The following PRRC2A variants were observed in gnomAD, a reference collection of about 807,000 sequenced individuals.
PRRC2A encodes protein PRRC2A.
Under a neutral mutation model 224.6 loss-of-function variants are expected in PRRC2A, and 59 were observed. The ratio of observed to expected loss-of-function variants is 0.26; its 90% CI spans 0.21 to 0.33. The LOEUF (loss-of-function observed/expected upper bound fraction) is 0.33. PRRC2A is among the 10% of genes least tolerant of loss of function. The probability of loss-of-function intolerance (pLI) is 1.00; values close to 1 mark genes in which losing one functional copy is unlikely to be tolerated. For synonymous variants in PRRC2A, 1,194 were observed against 1,109.5 expected (o/e 1.08, Z -1.51); for missense variants, 3,095 against 2,880.7 (o/e 1.07, Z -1.70).
intron 30 of PRRC2A, 24 bp from the exon 31 acceptor site, chr6:31,637,420 CTG>C (rs757634800): frequency 6.2e-7 from 1 of 1,600,480 alleles, no homozygotes; most frequent in Non-Finnish European, 8.5e-7. Flanking sequence ...CTGTGACTCA[CTG>C]TTTAACACAT....
In PRRC2A at chr6:31,636,832, G is replaced by A. The variant is rs1777408606; in HGVS notation, c.6034G>A (p.Val2012Met). 1 of 1,612,070 alleles carries A rather than the reference G, an allele frequency of 6.2e-7. No individual in the cohort carries two copies. Among genetic ancestry groups the A allele is most frequent in the Non-Finnish European group, 8.5e-7 (1 of 1,179,986 alleles). Residue 2012 changes from valine (V) to methionine (M), a missense_variant, in exon 28 of 31, where the codon GTG becomes ATG. Around this residue, in one of 8 missense-constraint regions of PRRC2A, gnomAD observed 662 missense variants for 609.5 expected, o/e 1.09. Coordinates refer to ENST00000376033, the MANE Select transcript of PRRC2A (RefSeq NM_004638.4). The surrounding 1 kb of genome is among the most constrained non-coding windows in gnomAD (Gnocchi z 4.3). ...CCCACCTCCCCTTTCTCTGTTACCTGTGGGCCCTGCTCTGCAGCCCCCCAG... is the reference window on the plus strand; with the variant it reads ...CCCACCTCCCCTTTCTCTGTTACCTATGGGCCCTGCTCTGCAGCCCCCCAG... Reference protein sequence around the residue: ...PAPPPLSLLPVGPALQPPSLA... With the variant: ...PAPPPLSLLPMGPALQPPSLA...
At chr6:31,633,276 T>TA in intron 16 of PRRC2A, 103 bp from the exon 17 acceptor site, 1 of 1,492,326 alleles carries the variant, frequency 6.7e-7, no homozygotes, top group Non-Finnish European at 9.1e-7. Context: ...ACCTGGACTT[T>TA]AATAGGGAAG....
At position 31,627,326 on chromosome 6, in the gene PRRC2A, A is replaced by AG; in HGVS notation, c.1290+129dup. On this transcript the variant is annotated intron_variant, in intron 11 of 30. Transcript: ENST00000376033. The surrounding 1 kb of genome is among the most constrained non-coding windows in gnomAD (Gnocchi z 5.6). ...TGGGCTGTGTGAAGTGCCAGGCTGC[A>AG]GAACATCCTGGGAAGCTTTTAAATA... The AG allele has an allele frequency of 1.5e-6, 1 of 687,410 alleles. No homozygotes were observed. The highest frequency in any genetic ancestry group is 2.4e-6 in the Non-Finnish European group (1 of 408,416). 42.6% of individuals were successfully genotyped at this position (687,410 alleles called of 1,614,324 possible). A position where few individuals can be genotyped will look rare whatever the true frequency, so the allele number is the denominator to read the frequency against.
At chr6:31,622,468 C>T (rs1775400965) in intron 1 of PRRC2A, among the ~76,000 whole-genome samples, 1 of 152,094 alleles carries the variant, frequency 6.6e-6, no homozygotes, top group Non-Finnish European at 1.5e-5. Context: ...AGTGTTTATA[C>T]TAGGAGGATG....
chr6:31,624,668 G>C, intron 5 of PRRC2A, 146 bp downstream of exon 5: 2 of 909,846 alleles, frequency 2.2e-6, no homozygotes, highest in East Asian at 5.3e-5. Flanking sequence ...ACATGAGCAA[G>C]TTTAAGTCTC....
rs11538262 is a variant in PRRC2A at position 31,630,746 on chromosome 6, C to T, written c.2410C>T (p.Arg804Cys). 16,710 of 1,614,156 alleles carry T rather than the reference C, an allele frequency of 0.01. 122 individuals carry two copies. Among genetic ancestry groups the T allele is most frequent in the Non-Finnish European group, 0.012 (14,088 of 1,180,044 alleles). Residue 804 changes from arginine (R) to cysteine (C), a missense_variant, in exon 15 of 31, where the codon CGC (arginine) becomes TGC (cysteine). Transcript: ENST00000376033. ...DVFTATPAEP[R>C]PLTSPLRQAA... ...CTTCACCGCCACACCCGCTGAACCCCGCCCACTTACCTCACCTCTGCGCCA... is the reference window on the plus strand; with the variant it reads ...CTTCACCGCCACACCCGCTGAACCCTGCCCACTTACCTCACCTCTGCGCCA...
chr6:31,635,092 T>G (rs772755252), intron 21 of PRRC2A, 40 bp from the exon 22 acceptor site: 1 of 1,604,114 alleles, frequency 6.2e-7, no homozygotes, highest in South Asian at 1.1e-5. Context: ...TGGATTTCCC[T>G]TTCCCTCCCC....
At position 31,634,230 on chromosome 6, in the gene PRRC2A, C is replaced by T; in HGVS notation, c.4720-6C>T. On this transcript the variant is annotated splice_polypyrimidine_tract_variant and splice_region_variant and intron_variant, in intron 18 of 30. Coordinates refer to ENST00000376033, the MANE Select transcript of PRRC2A (RefSeq NM_004638.4). ...ATGTTTTGCTTCTGGCCCTTCTCATCTGTAGGAATCTTTGCCACCTCCTCA... is the reference window on the plus strand; with the variant it reads ...ATGTTTTGCTTCTGGCCCTTCTCATTTGTAGGAATCTTTGCCACCTCCTCA... The T allele has an allele frequency of 1.3e-6, 2 of 1,581,794 alleles. No individual in the cohort carries two copies. The highest frequency in any genetic ancestry group is 1.7e-6 in the Non-Finnish European group (2 of 1,170,180).
In PRRC2A at chr6:31,631,309, C is replaced by T. The variant is rs753934091; in HGVS notation, c.2636C>T (p.Pro879Leu). The part of the protein sequence containing the change: ...GSDEVAKIQT[P>L]PPKKEPPKEE... ...GATGAAGTGGCCAAGATACAAACTCCACCACCCAAGAAGGAGCCCCCTAAG... is the reference window on the plus strand; with the variant it reads ...GATGAAGTGGCCAAGATACAAACTCTACCACCCAAGAAGGAGCCCCCTAAG... The change falls in exon 16 of 31, where the codon CCA becomes CTA. Residue 879 changes from proline to leucine, a missense_variant. Pro to Leu is a moderately conservative substitution (Grantham distance 98). This residue lies in a region of PRRC2A where 2,001 missense variants were observed against 1,764.9 expected (regional missense o/e 1.13). Transcript: ENST00000376033. This position sits in a 1 kb window ranked among gnomAD's most constrained non-coding sequence, Gnocchi z 4.5. 4 of 1,609,612 alleles carry T rather than the reference C, an allele frequency of 2.5e-6. No individual in the cohort carries two copies. The highest frequency in any genetic ancestry group is 2.2e-5 in the South Asian group (2 of 90,708).
At position 31,634,468 on chromosome 6, in the gene PRRC2A, C is replaced by T. The variant is rs772938081; in HGVS notation, c.4850-4C>T. Reference sequence around the variant, plus strand: ...TCTCTTCTGGTTGGTGCTCCCTTCTCCAGCCACTAGCCGAAAGAGTTACCG... The same window carrying T: ...TCTCTTCTGGTTGGTGCTCCCTTCTTCAGCCACTAGCCGAAAGAGTTACCG... On this transcript the variant is annotated splice_region_variant and splice_polypyrimidine_tract_variant and intron_variant, in intron 19 of 30. Transcript: ENST00000376033. The T allele has an allele frequency of 6.2e-7, 1 of 1,612,932 alleles. No individual in the cohort carries two copies. Among genetic ancestry groups the T allele is most frequent in the Non-Finnish European group, 8.5e-7 (1 of 1,179,938 alleles).
intron 5 of PRRC2A, chr6:31,624,907 T>A: frequency 1.9e-6 from 1 of 531,760 alleles, no homozygotes; most frequent in Non-Finnish European, 3.3e-6. Context: ...CAAGCGATTT[T>A]CCTGCCTCAG....
At position 31,629,624 on chromosome 6, in the gene PRRC2A, C is replaced by T; in HGVS notation, c.2033C>T (p.Pro678Leu). 2 of 1,612,774 alleles carry T rather than the reference C, an allele frequency of 1.2e-6. No individual in the cohort carries two copies. Among genetic ancestry groups the T allele is most frequent in the Non-Finnish European group, 1.7e-6 (2 of 1,179,708 alleles). ...QQGSAPPTPV[P>L]PSPPQPVTLG... ...GGCTCTGCCCCTCCTACCCCAGTGC[C>T]CCCATCACCACCACAGCCTGTGACC... is the stretch of plus-strand genomic sequence containing the variant. The change falls in exon 14 of 31, where the codon CCC becomes CTC. Residue 678 changes from proline (P) to leucine (L), a missense_variant. Pro to Leu is a moderately conservative substitution (Grantham distance 98). Transcript: ENST00000376033.
At chr6:31,629,357 C>G in intron 13 of PRRC2A, 23 bp downstream of exon 13, 1 of 1,537,854 alleles carries the variant, frequency 6.5e-7, no homozygotes, top group East Asian at 2.3e-5. Context: ...TGTTTACCCT[C>G]TAAGGGCTGC....
In PRRC2A at chr6:31,632,790, C is replaced by T. The variant is rs773245902; in HGVS notation, c.4117C>T (p.Leu1373=). 6.2e-7 allele frequency: 1 copy of T among 1,613,116 alleles called. No homozygotes were observed. The highest frequency in any genetic ancestry group is 8.5e-7 in the Non-Finnish European group (1 of 1,180,010). ...PGISAMSRGD[L]SQRAKDLSKR... The stretch of plus-strand genomic sequence containing the variant: ...TATTTCAGCCATGTCCCGCGGAGAT[C>T]TGAGCCAGAGAGCCAAGGATTTGAG... Residue 1373 remains leucine (L), a synonymous_variant, in exon 16 of 31, where the codon CTG becomes TTG. Transcript: ENST00000376033.
intron 14 of PRRC2A, 103 bp from the exon 15 acceptor site, chr6:31,630,488 C>T: frequency 8.5e-7 from 1 of 1,175,826 alleles, no homozygotes; most frequent in African/African-American, 1.5e-5. Context: ...CTACTGGGAA[C>T]AAGAGATGGA....
At position 31,625,597 on chromosome 6, in the gene PRRC2A, A is replaced by G; in HGVS notation, c.745A>G (p.Met249Val). ...ACCCCAGTTCCCTCCCTACCGCGGAATGATGCCGCCTTTCGTGAGTCTTGG... is the reference window on the plus strand; with the variant it reads ...ACCCCAGTTCCCTCCCTACCGCGGAGTGATGCCGCCTTTCGTGAGTCTTGG... ...GPPQFPPYRG[M>V]MPPFMYPPYL... is the part of the protein sequence containing the mutation. The change falls in exon 7 of 31, where the codon ATG (methionine) becomes GTG (valine). Residue 249 changes from methionine to valine, a missense_variant. Coordinates refer to ENST00000376033, the MANE Select transcript of PRRC2A (RefSeq NM_004638.4). The surrounding 1 kb of genome is among the most constrained non-coding windows in gnomAD (Gnocchi z 4.1). The G allele has an allele frequency of 6.3e-7, 1 of 1,574,972 alleles. No individual in the cohort carries two copies. The highest frequency in any genetic ancestry group is 8.6e-7 in the Non-Finnish European group (1 of 1,159,110).
At position 31,627,718 on chromosome 6, in the gene PRRC2A, C is replaced by T. The variant is rs773054319; in HGVS notation, c.1291-47C>T. On this transcript the variant is annotated intron_variant, in intron 11 of 30. Transcript: ENST00000376033. This position sits in a 1 kb window ranked among gnomAD's most constrained non-coding sequence, Gnocchi z 5.6. ...TTGTTGTAAAAGAGATGATAGAAAG[C>T]ATAGTAACTGATTCCCCTGGCCCTG... is the stretch of plus-strand genomic sequence containing the variant. 2 of 1,596,002 alleles carry T rather than the reference C, an allele frequency of 1.3e-6. No homozygotes were observed. The highest frequency in any genetic ancestry group is 2.2e-5 in the South Asian group (2 of 89,992).
chr6:31,623,569 G>A (rs1446340784), intron 2 of PRRC2A, among the ~76,000 whole-genome samples, 163 bp from the exon 3 acceptor site: 5 of 152,122 alleles, frequency 3.3e-5, no homozygotes, highest in Non-Finnish European at 5.9e-5. Flanking sequence ...CAATCAGCGC[G>A]ATTTCAGAGA....
rs1434089713 is a variant in PRRC2A, at chr6:31,629,804, G to A, written c.2213G>A (p.Arg738His). The A allele has an allele frequency of 2.4e-5, 39 of 1,613,528 alleles. No homozygotes were observed. Among genetic ancestry groups the A allele is most frequent in the Middle Eastern group, 1.6e-4 (1 of 6,082 alleles). ...PYVDPRLLQG[R>H]PPLDFYPPGV... The stretch of plus-strand genomic sequence containing the variant: ...GTGGACCCCCGGCTCCTCCAGGGTC[G>A]TCCCCCTCTAGACTTCTACCCTCCT... Residue 738 changes from arginine (R) to histidine (H), a missense_variant, in exon 14 of 31, where the codon CGT becomes CAT. Arg to His is a conservative substitution (Grantham distance 29). Coordinates refer to ENST00000376033, the MANE Select transcript of PRRC2A (RefSeq NM_004638.4).
Sources: gnomAD v4.1 joint callset for allele counts (sites outside exome capture counted in the v4.1 genomes callset) on GRCh38, gnomAD v4.1.1 for gene constraint, gnomAD v4.1.1 regional missense constraint, Gnocchi (gnomAD v3.1) non-coding constraint, MANE v1.5 for transcripts, NCBI Gene and HGNC (gene_info 2026-07-23, HGNC 2026-07-21) for gene names.